Variants in GRM8 observed in about 807,000 individuals in gnomAD.
GRM8 encodes the protein glutamate metabotropic receptor 8.
In GRM8, 47 loss-of-function variants were observed where a neutral mutation model predicts 87.2. That is an observed-to-expected ratio of 0.54 (90% CI 0.43 to 0.69). The LOEUF (loss-of-function observed/expected upper bound fraction) is 0.69. Among genes scored for constraint, GRM8 ranks in the 30% least tolerant of loss-of-function variants. The pLI is 0.00. For synonymous variants in GRM8, 396 were observed against 404.5 expected (o/e 0.98, Z 0.25); for missense variants, 1,019 against 1,139.2 (o/e 0.89, Z 1.52).
At chr7:127,018,695 C>T (rs1815957654) in intron 3 of GRM8, among the ~76,000 whole-genome samples, 1 of 151,942 alleles carries the variant, frequency 6.6e-6, no homozygotes, top group African/African-American at 2.4e-5. Flanking sequence ...TAAGGATTAC[C>T]AGGAAGTTTT....
chr7:127,073,344 G>C (rs1821920177), intron 3 of GRM8, among the ~76,000 whole-genome samples: 1 of 152,172 alleles, frequency 6.6e-6, no homozygotes, highest in Non-Finnish European at 1.5e-5. Flanking sequence ...TAAGTACAGA[G>C]AGATGATCTG....
chr7:126,838,999 C>T (rs992774996), intron 6 of GRM8, among the ~76,000 whole-genome samples: 2 of 152,094 alleles, frequency 1.3e-5, no homozygotes, highest in African/African-American at 4.8e-5. Flanking sequence ...GTTCCTATAC[C>T]TACAAATTAC....
chr7:126,500,578 C>G (rs950488524), intron 9 of GRM8, among the ~76,000 whole-genome samples: 4 of 151,742 alleles, frequency 2.6e-5, no homozygotes, highest in Admixed American at 6.6e-5. Context: ...GATCAGAGAT[C>G]AGAACAATAT....
chr7:127,073,548 G>A (rs1010594049), intron 3 of GRM8, among the ~76,000 whole-genome samples: 8 of 152,174 alleles, frequency 5.3e-5, no homozygotes, highest in African/African-American at 1.4e-4. Context: ...CCCCAATGGT[G>A]TGGGGACCTT....
At chr7:127,116,708 A>C (rs1388337563) in intron 2 of GRM8, among the ~76,000 whole-genome samples, 1 of 152,216 alleles carries the variant, frequency 6.6e-6, no homozygotes, top group Non-Finnish European at 1.5e-5. Flanking sequence ...ATTGCCTCTC[A>C]CTTGAGATCT....
At chr7:126,828,061 C>T (rs1794993302) in intron 6 of GRM8, among the ~76,000 whole-genome samples, 1 of 152,088 alleles carries the variant, frequency 6.6e-6, no homozygotes. Flanking sequence ...AGGGATGAAT[C>T]CCACTTGATC....
At chr7:127,160,535 GCACACACA>G (rs139597501) in intron 2 of GRM8, among the ~76,000 whole-genome samples, 2 of 140,328 alleles carry the variant, frequency 1.4e-5, no homozygotes, top group African/African-American at 3.2e-5. Flanking sequence ...TCACGCGCGC[GCACACACA>G]CACACACACA....
At chr7:127,109,912 G>T (rs982501075) in intron 2 of GRM8, among the ~76,000 whole-genome samples, 1 of 152,102 alleles carries the variant, frequency 6.6e-6, no homozygotes, top group Non-Finnish European at 1.5e-5. Context: ...ACCCTAGGAG[G>T]CTGCTCTCTA....
rs137915623 is a variant in GRM8 at position 126,694,249 on chromosome 7, T to C, written c.1357+75616A>G. Among the ~76,000 whole-genome samples, 70 of 152,230 alleles carry C rather than the reference T, an allele frequency of 4.6e-4. 1 individual carries two copies. The highest frequency in any genetic ancestry group is 2.8e-4 in the Non-Finnish European group (19 of 67,976). ...GATTAGACATGCACCATCTAAAACA[T>C]AGTACTTGCTTTTTAATTATTATTG... is the stretch of plus-strand genomic sequence containing the variant. On this transcript the variant is annotated intron_variant, in intron 7 of 10. Transcript: ENST00000339582.
chr7:127,156,303 T>C (rs1177491795), intron 2 of GRM8, among the ~76,000 whole-genome samples: 2 of 152,096 alleles, frequency 1.3e-5, no homozygotes, highest in African/African-American at 2.4e-5. Flanking sequence ...GGGGTATATT[T>C]GGGGCAGAGC....
chr7:126,938,103 T>C (rs1186102147), intron 3 of GRM8, among the ~76,000 whole-genome samples: 1 of 152,202 alleles, frequency 6.6e-6, no homozygotes, highest in African/African-American at 2.4e-5. Context: ...TATAACTACA[T>C]TTTGGCCAAT....
chr7:127,137,294 G>A (rs979211762), intron 2 of GRM8, among the ~76,000 whole-genome samples: 20 of 151,916 alleles, frequency 1.3e-4, no homozygotes, highest in Non-Finnish European at 2.6e-4. Flanking sequence ...TTTGCAAACT[G>A]GAGCAATAAA....
chr7:126,757,230 A>G (rs1817110257), intron 7 of GRM8, among the ~76,000 whole-genome samples: 1 of 152,160 alleles, frequency 6.6e-6, no homozygotes, highest in African/African-American at 2.4e-5. Flanking sequence ...TATAAAGTTT[A>G]AAAGCAAGAA....
chr7:127,032,964 C>G (rs1341209373), intron 3 of GRM8, among the ~76,000 whole-genome samples: 1 of 150,526 alleles, frequency 6.6e-6, no homozygotes, highest in Non-Finnish European at 1.5e-5. Context: ...TCTAGATATC[C>G]TTAATCAGTG....
At chr7:126,955,552 C>A (rs1254013371) in intron 3 of GRM8, among the ~76,000 whole-genome samples, 1 of 152,190 alleles carries the variant, frequency 6.6e-6, no homozygotes, top group African/African-American at 2.4e-5. Context: ...CAAGGGTCAA[C>A]ATAAATGATT....
chr7:127,104,269 T>C (rs1302091077), intron 3 of GRM8, among the ~76,000 whole-genome samples: 2 of 151,766 alleles, frequency 1.3e-5, no homozygotes, highest in Non-Finnish European at 1.5e-5. Flanking sequence ...CTACTGAGGT[T>C]TTTTTTTAAA....
intron 9 of GRM8, among the ~76,000 whole-genome samples, chr7:126,461,736 C>T (rs534171633): frequency 5.9e-5 from 9 of 151,678 alleles, no homozygotes; most frequent in Middle Eastern, 3.4e-3. Context: ...GCTGTTATTT[C>T]GGATGAATTC....
intron 6 of GRM8, among the ~76,000 whole-genome samples, chr7:126,855,700 T>A (rs1797614896): frequency 1.3e-5 from 2 of 152,124 alleles, no homozygotes; most frequent in African/African-American, 4.8e-5. Context: ...GGTCTCAAAC[T>A]CCTGACCTGA....
At chr7:127,167,013 A>G (rs767910667) in intron 2 of GRM8, among the ~76,000 whole-genome samples, 13 of 152,156 alleles carry the variant, frequency 8.5e-5, no homozygotes, top group Non-Finnish European at 1.9e-4. Flanking sequence ...AATTAAATTG[A>G]AAGTTTCTTC....
Sources: allele counts gnomAD v4.1 joint callset (sites outside exome capture counted in the v4.1 genomes callset), GRCh38; gene constraint gnomAD v4.1.1; transcripts MANE v1.5; gene names NCBI Gene and HGNC (gene_info 2026-07-23, HGNC 2026-07-21).